GRM4: variants seen among roughly 807,000 people sequenced by gnomAD.
GRM4 encodes glutamate metabotropic receptor 4, also known as metabotropic glutamate receptor 4.
Under a neutral mutation model 81.7 loss-of-function variants are expected in GRM4, and 28 were observed. That is an observed-to-expected ratio of 0.34 (90% confidence interval 0.25 to 0.47). The LOEUF is 0.47. Ranked by LOEUF, GRM4 falls within the 20% of genes least tolerant of loss-of-function variation. The pLI, the probability that GRM4 is intolerant of heterozygous loss-of-function variation, is 1.00. For synonymous variants in GRM4, 488 were observed against 528.8 expected, an observed-to-expected ratio of 0.92 and a Z score of 1.06; for missense variants, 948 against 1,290.0, an observed-to-expected ratio of 0.73 and a Z score of 4.06.
rs1247263161 is a variant in GRM4, at chr6:34,024,593, G to T, written c.2690-1723C>A. 1.6e-5 allele frequency: 7 copies of T among 448,884 alleles called. No individual in the cohort carries two copies. In the Admixed American group the frequency reaches 1.7e-4, roughly 11 times the overall value. 27.8% of individuals were successfully genotyped at this position (448,884 alleles called of 1,614,324 possible). A position where few individuals can be genotyped will look rare whatever the true frequency, so the allele number is the denominator to read the frequency against. On this transcript the variant is annotated intron_variant, in intron 10 of 10. Coordinates refer to ENST00000538487, the MANE Select transcript of GRM4 (RefSeq NM_000841.4). ...GGACGAAGCAAACTGCTTGAGGATG[G>T]GGTGAGCAGAGGGGTCCACCATGGG...
At chr6:34,096,340 C>T (rs1768515910) in intron 2 of GRM4, among the ~76,000 whole-genome samples, 1 of 152,198 alleles carries the variant, frequency 6.6e-6, no homozygotes, top group East Asian at 1.9e-4. Context: ...TCCCCCTTCT[C>T]ATCAAGGCCC....
intron 1 of GRM4, among the ~76,000 whole-genome samples, chr6:34,134,789 A>G (rs920425413): frequency 3.3e-5 from 5 of 151,640 alleles, no homozygotes; most frequent in African/African-American, 1.2e-4. Flanking sequence ...CTGGCACATT[A>G]TTAAGATCAT....
In GRM4 at chr6:34,040,578, G is replaced by A; in HGVS notation, c.1339C>T (p.Leu447Phe). 1 of 1,613,940 alleles carries A rather than the reference G, an allele frequency of 6.2e-7. No individual in the cohort carries two copies. Among genetic ancestry groups the A allele is most frequent in the Non-Finnish European group, 8.5e-7 (1 of 1,179,890 alleles). The change falls in exon 7 of 11, where the codon CTT becomes TTT. Residue 447 changes from leucine to phenylalanine, a missense_variant. Physicochemically the swap from Leu to Phe is conservative, Grantham distance 22 (BLOSUM62 0). Coordinates refer to ENST00000538487, the MANE Select transcript of GRM4 (RefSeq NM_000841.4). The stretch of plus-strand genomic sequence containing the variant: ...AAGTTGACGTTTCGGATGTACTTAA[G>A]CAGCTGGGTGCCATCTACAGGGTCC... ...RMDPVDGTQL[L>F]KYIRNVNFSG...
At chr6:34,067,369 G>C (rs532845411) in intron 3 of GRM4, among the ~76,000 whole-genome samples, 16 of 118,916 alleles carry the variant, frequency 1.3e-4, no homozygotes, top group African/African-American at 2.6e-4. Context: ...TCCTTCCTTC[G>C]CTCCCTCCCT....
At chr6:34,142,780 A>G (rs900854935) in intron 1 of GRM4, among the ~76,000 whole-genome samples, 3 of 152,192 alleles carry the variant, frequency 2.0e-5, no homozygotes, top group African/African-American at 7.2e-5. Flanking sequence ...TCACGCCTCC[A>G]ACGGAATGAA....
At position 34,121,795 on chromosome 6, in the gene GRM4, C is replaced by T. The variant is rs889880910; in HGVS notation, c.519+11183G>A. 1.3e-5 allele frequency among the ~76,000 whole-genome samples: 2 copies of T among 152,166 alleles called. No individual in the cohort carries two copies. The highest frequency in any genetic ancestry group is 6.5e-5 in the Admixed American group (1 of 15,286). On this transcript the variant is annotated intron_variant, in intron 2 of 10. Transcript: ENST00000538487. This position sits in a 1 kb window ranked among gnomAD's most constrained non-coding sequence, Gnocchi z 4.6. Reference sequence around the variant, plus strand: ...AGGAAGGAGAATCCAGCCTTCTCCTCACACATGGGCCCACTTTACAACACC... The same window carrying T: ...AGGAAGGAGAATCCAGCCTTCTCCTTACACATGGGCCCACTTTACAACACC...
Position 34,048,256 on chromosome 6 carries a change from A to G in GRM4, c.1169-7508T>C, listed in dbSNP as rs1302625641. Among the ~76,000 whole-genome samples, 1 of 152,156 alleles carries G rather than the reference A, an allele frequency of 6.6e-6. No individual in the cohort carries two copies. Among genetic ancestry groups the G allele is most frequent in the Non-Finnish European group, 1.5e-5 (1 of 68,018 alleles). On this transcript the variant is annotated intron_variant, in intron 6 of 10. Transcript: ENST00000538487. The surrounding 1 kb of genome is among the most constrained non-coding windows in gnomAD (Gnocchi z 4.0). ...CACTCAGCCCCTTGCTGGGCCTGGC[A>G]AGTCACTTAGCATCTATGAGCTTCA... is the stretch of plus-strand genomic sequence containing the variant.
At chr6:34,101,150 T>C (rs1308901408) in intron 2 of GRM4, among the ~76,000 whole-genome samples, 1 of 152,198 alleles carries the variant, frequency 6.6e-6, no homozygotes, top group Admixed American at 6.5e-5. Flanking sequence ...TTGGGCGGAA[T>C]TGTATTGAAT....
chr6:34,137,998 A>G (rs1043608981), intron 1 of GRM4, among the ~76,000 whole-genome samples: 1 of 152,084 alleles, frequency 6.6e-6, no homozygotes, highest in African/African-American at 2.4e-5. Flanking sequence ...ACAAACCACA[A>G]AACAACAACC....
intron 1 of GRM4, among the ~76,000 whole-genome samples, chr6:34,142,723 T>C (rs891889084): frequency 6.6e-6 from 1 of 152,212 alleles, no homozygotes; most frequent in African/African-American, 2.4e-5. Flanking sequence ...CTCTCTCACC[T>C]ACCTCGGGCT....
At chr6:34,093,463 G>A (rs372551137) in intron 2 of GRM4, among the ~76,000 whole-genome samples, 21 of 152,214 alleles carry the variant, frequency 1.4e-4, no homozygotes, top group African/African-American at 4.8e-4. Flanking sequence ...AAACACTCAC[G>A]GAGCTTCCTT....
intron 6 of GRM4, among the ~76,000 whole-genome samples, chr6:34,043,057 C>T (rs1483644138): frequency 2.0e-5 from 3 of 152,154 alleles, no homozygotes; most frequent in Admixed American, 1.3e-4. Context: ...CATCTGCCCC[C>T]GCTGCCATTT....
rs1312265461 is a variant in GRM4 at position 34,056,637 on chromosome 6, T to C, written c.1075A>G (p.Asn359Asp). ...TCCCAGAACTCGGCAAACCAGATGT[T>C]GCGCCGGTTGTTGTCCAGCGTGCGG... ...SSRTLDNNRR[N>D]IWFAEFWEDN... is the part of the protein sequence containing the mutation. The change falls in exon 6 of 11, where the codon AAC becomes GAC. Residue 359 changes from asparagine to aspartate, a missense_variant. Asn to Asp is a conservative substitution (Grantham distance 23). Coordinates refer to ENST00000538487, the MANE Select transcript of GRM4 (RefSeq NM_000841.4). 6.2e-7 allele frequency: 1 copy of C among 1,613,760 alleles called. No individual in the cohort carries two copies. The highest frequency in any genetic ancestry group is 8.5e-7 in the Non-Finnish European group (1 of 1,179,984).
rs572794799 is a variant in GRM4, at chr6:34,059,359, C to T, written c.873-231G>A. On this transcript the variant is annotated intron_variant, in intron 4 of 10. Transcript: ENST00000538487. This position sits in a 1 kb window ranked among gnomAD's most constrained non-coding sequence, Gnocchi z 5.7. ...TCCAACCTGCCTGCCCCTGGGCCCA[C>T]GCCTGCTGCAGGCCCAGCGTGATTC... 6.0e-5 allele frequency: 34 copies of T among 567,510 alleles called. No homozygotes were observed. The East Asian group carries it at 7.7e-4, about 13-fold the overall frequency. The allele number at this position is 567,510 out of a possible 1,614,324, so 35.2% of individuals were successfully genotyped here.
intron 2 of GRM4, among the ~76,000 whole-genome samples, chr6:34,105,060 G>C (rs1043163547): frequency 1.3e-5 from 2 of 152,144 alleles, no homozygotes; most frequent in African/African-American, 4.8e-5. Flanking sequence ...TGTCTGCCCA[G>C]TGCGTTCTCG....
At chr6:34,049,105 G>A (rs1765489287) in intron 6 of GRM4, among the ~76,000 whole-genome samples, 1 of 151,356 alleles carries the variant, frequency 6.6e-6, no homozygotes, top group South Asian at 2.1e-4. Context: ...TGCTTACAAT[G>A]TAGCTCCTCA....
chr6:34,110,631 C>A, intron 2 of GRM4: 1 of 1,031,622 alleles, frequency 9.7e-7, no homozygotes, highest in Non-Finnish European at 1.4e-6. Flanking sequence ...TGCTCCCTAC[C>A]CCCTTACCAT....
intron 6 of GRM4, among the ~76,000 whole-genome samples, chr6:34,043,054 C>T (rs531033818): frequency 1.3e-5 from 2 of 152,254 alleles, no homozygotes; most frequent in South Asian, 4.1e-4. Flanking sequence ...GGTCATCTGC[C>T]CCCGCTGCCA....
chr6:34,146,018 A>AC lies in GRM4; in HGVS notation c.-383dup, dbSNP rs1343806104. The AC allele has an allele frequency of 3.0e-6, 3 of 983,974 alleles. No individual in the cohort carries two copies. Among genetic ancestry groups the AC allele is most frequent in the Admixed American group, 6.2e-5 (1 of 16,160 alleles). The allele number at this position is 983,974 out of a possible 1,614,324, so 61.0% of individuals were successfully genotyped here. A position where few individuals can be genotyped will look rare whatever the true frequency, so the allele number is the denominator to read the frequency against. On this transcript the variant is annotated 5_prime_UTR_variant, in exon 1 of 11. It removes the in-frame stop codon of an upstream open reading frame in the 5' UTR. Coordinates refer to ENST00000538487, the MANE Select transcript of GRM4 (RefSeq NM_000841.4). Reference sequence around the variant, plus strand: ...CACCTACCCCGAGGACATGGCGGGGACCCCTTCTCACCCCAGAGGGGGAGG... The same window carrying AC: ...CACCTACCCCGAGGACATGGCGGGGACCCCCTTCTCACCCCAGAGGGGGAGG...
Sources: gnomAD v4.1 joint callset for allele counts (sites outside exome capture counted in the v4.1 genomes callset) on GRCh38, gnomAD v4.1.1 for gene constraint, Gnocchi (gnomAD v3.1) non-coding constraint, MANE v1.5 for transcripts, NCBI Gene and HGNC (gene_info 2026-07-23, HGNC 2026-07-21) for gene names.